The following EVC variants were observed in gnomAD, a reference collection of about 807,000 sequenced individuals.
The protein encoded by EVC is evC complex member EVC.
A neutral mutation model predicts 118.9 loss-of-function variants in EVC; 116 were observed. That is an observed-to-expected ratio of 0.98 (90% CI 0.84 to 1.14). The LOEUF is 1.14. Among genes scored for constraint, EVC ranks in the 50% most tolerant of loss-of-function variants. The pLI is 0.00. For synonymous variants in EVC, 619 were observed against 534.7 expected (o/e 1.16, Z -2.18); for missense variants, 1,401 against 1,246.4 (o/e 1.12, Z -1.87).
chr4:5,728,369 CTGTT>C (rs1227531749), intron 2 of EVC, among the ~76,000 whole-genome samples: 1 of 151,060 alleles, frequency 6.6e-6, no homozygotes, highest in East Asian at 1.9e-4. Flanking sequence ...ATTTGGCTCT[CTGTT>C]TGTCTGTTGT....
chr4:5,765,726 C>G (rs1404278076), intron 11 of EVC, among the ~76,000 whole-genome samples: 1 of 133,190 alleles, frequency 7.5e-6, no homozygotes, highest in African/African-American at 2.8e-5. Flanking sequence ...GGATTGCAAC[C>G]CCTGCCTTTT....
chr4:5,748,301 G>C lies in EVC; in HGVS notation c.1093G>C (p.Ala365Pro). 6.2e-7 allele frequency: 1 copy of C among 1,614,126 alleles called. No homozygotes were observed. The highest frequency in any genetic ancestry group is 8.5e-7 in the Non-Finnish European group (1 of 1,180,032). The change falls in exon 8 of 21, where the codon GCT becomes CCT. Residue 365 changes from alanine to proline, a missense_variant. Coordinates refer to ENST00000264956, the MANE Select transcript of EVC (RefSeq NM_153717.3). ...GLLCDSQELQ[A>P]LDALERTMGR... ...ATTGTGCGATTCTCAGGAGCTGCAGGCTCTGGTAATGCTGGAGGGGGCGGG... is the reference window on the plus strand; with the variant it reads ...ATTGTGCGATTCTCAGGAGCTGCAGCCTCTGGTAATGCTGGAGGGGGCGGG...
intron 8 of EVC, among the ~76,000 whole-genome samples, chr4:5,750,974 A>G (rs1730262801): frequency 1.3e-5 from 2 of 152,130 alleles, no homozygotes; most frequent in South Asian, 4.2e-4. Context: ...TGAAATGTGC[A>G]TCTGTAAATA....
intron 5 of EVC, among the ~76,000 whole-genome samples, chr4:5,735,777 C>T (rs774522871): frequency 2.0e-5 from 3 of 152,150 alleles, no homozygotes; most frequent in Admixed American, 6.5e-5. Flanking sequence ...CCAGGTGTGG[C>T]CCTGCACCCT....
chr4:5,805,832 G>A (rs914231831), intron 17 of EVC, among the ~76,000 whole-genome samples: 3 of 151,676 alleles, frequency 2.0e-5, no homozygotes, highest in African/African-American at 7.3e-5. Context: ...GCTTATATGT[G>A]GCTGTTGATG....
At chr4:5,810,517 CAA>C (rs1360169325) in intron 20 of EVC, 67 bp downstream of exon 20, 1 of 1,220,832 alleles carries the variant, frequency 8.2e-7, no homozygotes, top group Non-Finnish European at 1.2e-6. Flanking sequence ...TGCTGTGTGC[CAA>C]AAGTCAGGGC....
rs1716336877 is a variant in EVC, at chr4:5,808,315, GACCCAGCTACAGGT to G, written c.2679_2688+4del. 6.2e-7 allele frequency: 1 copy of G among 1,614,100 alleles called. No homozygotes were observed. The highest frequency in any genetic ancestry group is 8.5e-7 in the Non-Finnish European group (1 of 1,180,058). Reference sequence around the variant, plus strand: ...TGGACCTTCTGGAAGCCCAGCTGGAGACCCAGCTACAGGTACAAGTTACAGAACTGGACCTTCCA... The same window carrying G: ...TGGACCTTCTGGAAGCCCAGCTGGAGACAAGTTACAGAACTGGACCTTCCA... On this transcript the variant is annotated splice_donor_variant and coding_sequence_variant, in exon 18 of 21. Transcript: ENST00000264956. LOFTEE classifies it high-confidence loss of function.
At chr4:5,735,861 A>G (rs1216112881) in intron 5 of EVC, among the ~76,000 whole-genome samples, 1 of 152,196 alleles carries the variant, frequency 6.6e-6, no homozygotes, top group East Asian at 1.9e-4. Flanking sequence ...GCTTCCCAGC[A>G]GGGTCCTTCC....
chr4:5,756,123 C>A lies in EVC; in HGVS notation c.1465-141C>A. The A allele has an allele frequency of 1.4e-6, 1 of 695,004 alleles. No homozygotes were observed. The highest frequency in any genetic ancestry group is 2.5e-6 in the Non-Finnish European group (1 of 393,734). 43.1% of individuals were successfully genotyped at this position (695,004 alleles called of 1,614,324 possible). On this transcript the variant is annotated intron_variant, in intron 10 of 20. Coordinates refer to ENST00000264956, the MANE Select transcript of EVC (RefSeq NM_153717.3). This position sits in a 1 kb window ranked among gnomAD's most constrained non-coding sequence, Gnocchi z 4.2. ...GTGAAAGCCATGTGACAGCCCCATG[C>A]CTCAGTTTCCTTGTGTGTAATACAG...
chr4:5,753,166 G>A (rs376929625), intron 9 of EVC, 114 bp downstream of exon 9: 2 of 1,039,154 alleles, frequency 1.9e-6, no homozygotes, highest in Non-Finnish European at 2.9e-6. Flanking sequence ...CCGGGCACAG[G>A]CTGCCTTTCT....
intron 2 of EVC, among the ~76,000 whole-genome samples, chr4:5,720,245 C>T (rs1222797972): frequency 6.6e-6 from 1 of 152,176 alleles, no homozygotes; most frequent in Non-Finnish European, 1.5e-5. Flanking sequence ...GGCAGTTTTA[C>T]ACCTCTCACC....
rs564625799 is a variant in EVC at position 5,800,669 on chromosome 4, G to A, written c.2305-1281G>A. ...GGAAAGAGGATGGGAGCTCCCGACAGGAAGTGTAAGGCTGGAGCCCAGGTC... is the reference window on the plus strand; with the variant it reads ...GGAAAGAGGATGGGAGCTCCCGACAAGAAGTGTAAGGCTGGAGCCCAGGTC... On this transcript the variant is annotated intron_variant, in intron 15 of 20. Coordinates refer to ENST00000264956, the MANE Select transcript of EVC (RefSeq NM_153717.3). 2.0e-4 allele frequency among the ~76,000 whole-genome samples: 30 copies of A among 152,302 alleles called. No individual in the cohort carries two copies. The East Asian group carries it at 5.6e-3, about 29-fold the overall frequency.
At chr4:5,767,707 TCCCTGAC>T (rs1451847321) in intron 11 of EVC, among the ~76,000 whole-genome samples, 1 of 152,148 alleles carries the variant, frequency 6.6e-6, no homozygotes. Flanking sequence ...GAAAGGGAAC[TCCCTGAC>T]CCCTTGCGCT....
chr4:5,782,345 G>C (rs141686852), intron 11 of EVC, among the ~76,000 whole-genome samples: 1,924 of 150,752 alleles, frequency 0.013, 47 homozygotes, highest in African/African-American at 0.043. Flanking sequence ...AAAGTGCTGG[G>C]ATTACAAGCG....
At chr4:5,791,470 T>C (rs1712770650) in intron 12 of EVC, among the ~76,000 whole-genome samples, 1 of 152,164 alleles carries the variant, frequency 6.6e-6, no homozygotes, top group Admixed American at 6.5e-5. Context: ...ATGAAGAGTT[T>C]AGAAAACAGC....
chr4:5,804,596 C>T (rs1715558304), intron 16 of EVC, 134 bp from the exon 17 acceptor site: 1 of 750,712 alleles, frequency 1.3e-6, no homozygotes, highest in Non-Finnish European at 2.4e-6. Context: ...ATGCCCTGTC[C>T]CTGTGCTGGT....
At position 5,808,199 on chromosome 4, in the gene EVC, A is replaced by G. The variant is rs1293098417; in HGVS notation, c.2562-2A>G. 1.3e-5 allele frequency: 17 copies of G among 1,281,474 alleles called. No individual in the cohort carries two copies. Among genetic ancestry groups the G allele is most frequent in the Non-Finnish European group, 1.7e-5 (17 of 990,508 alleles). The allele number at this position is 1,281,474 out of a possible 1,614,324, so 79.4% of individuals were successfully genotyped here. On this transcript the variant is annotated splice_acceptor_variant, in intron 17 of 20. Transcript: ENST00000264956. LOFTEE classifies it high-confidence loss of function. ...CCAGCCTGCCTGCCTTCCTCCCCCCAGGATGCTGTCCCAGCAGAAGAGGTT... is the reference window on the plus strand; with the variant it reads ...CCAGCCTGCCTGCCTTCCTCCCCCCGGGATGCTGTCCCAGCAGAAGAGGTT...
intron 11 of EVC, among the ~76,000 whole-genome samples, chr4:5,780,478 A>G (rs974957550): frequency 6.7e-6 from 1 of 148,894 alleles, no homozygotes; most frequent in Non-Finnish European, 1.5e-5. Flanking sequence ...GATAATAATT[A>G]TAATAGAATG....
chr4:5,794,699 C>G (rs1713618946), intron 13 of EVC, among the ~76,000 whole-genome samples: 1 of 152,124 alleles, frequency 6.6e-6, no homozygotes, highest in Non-Finnish European at 1.5e-5. Flanking sequence ...GCGTGAGCCA[C>G]CATGCCCAGT....
Sources: gnomAD v4.1 joint callset for allele counts (sites outside exome capture counted in the v4.1 genomes callset) on GRCh38, gnomAD v4.1.1 for gene constraint, Gnocchi (gnomAD v3.1) non-coding constraint, MANE v1.5 for transcripts, NCBI Gene and HGNC (gene_info 2026-07-23, HGNC 2026-07-21) for gene names.